Variants in KLF12 observed in about 807,000 individuals in gnomAD.
KLF12 encodes the protein Krueppel-like factor 12.
KLF12 carries 9 observed loss-of-function variants against 37.8 expected under a neutral mutation model. That is an observed-to-expected ratio of 0.24 (90% CI 0.14 to 0.42). The LOEUF is 0.42. Among genes scored for constraint, KLF12 ranks in the 10% least tolerant of loss-of-function variants. The probability of loss-of-function intolerance (pLI) is 1.00; values close to 1 mark genes in which losing one functional copy is unlikely to be tolerated. For synonymous variants in KLF12, 208 were observed against 202.1 expected (o/e 1.03, Z -0.25); for missense variants, 411 against 516.0 (o/e 0.80, Z 1.97).
chr13:74,145,612 CAT>C, the KLF12 span, among the ~76,000 whole-genome samples: 1 of 152,202 alleles, frequency 6.6e-6, no homozygotes, highest in Non-Finnish European at 1.5e-5. Context: ...CTCTTACAAT[CAT>C]GTGCTAATAA....
intron 4 of KLF12, among the ~76,000 whole-genome samples, chr13:73,832,856 T>TA (rs1481594554): frequency 6.6e-6 from 1 of 152,220 alleles, no homozygotes; most frequent in Non-Finnish European, 1.5e-5. Flanking sequence ...ATTATCAGCT[T>TA]TTAAATCAAA....
At chr13:74,299,288 T>C in the KLF12 span, among the ~76,000 whole-genome samples, 1 of 152,180 alleles carries the variant, frequency 6.6e-6, no homozygotes, top group Non-Finnish European at 1.5e-5. Context: ...CTGGACATTC[T>C]CTGAGAGACA....
At chr13:74,057,867 T>C (rs922296939) in intron 1 of KLF12, among the ~76,000 whole-genome samples, 2 of 151,706 alleles carry the variant, frequency 1.3e-5, no homozygotes, top group African/African-American at 2.4e-5. Flanking sequence ...TCAAAGCATG[T>C]ACAGTGAAGG....
chr13:74,046,774 T>C (rs1210414684), intron 1 of KLF12, among the ~76,000 whole-genome samples: 3 of 152,202 alleles, frequency 2.0e-5, no homozygotes, highest in Non-Finnish European at 4.4e-5. Context: ...AGACAAATGT[T>C]ATGATTTTTT....
the KLF12 span, among the ~76,000 whole-genome samples, chr13:74,165,708 A>T: frequency 2.0e-5 from 3 of 152,218 alleles, no homozygotes; most frequent in East Asian, 5.8e-4. Flanking sequence ...CTACTACTGT[A>T]TTCTTTTGGA....
intron 3 of KLF12, among the ~76,000 whole-genome samples, chr13:73,866,571 G>A (rs189669622): frequency 2.0e-5 from 3 of 151,540 alleles, no homozygotes; most frequent in African/African-American, 7.3e-5. Flanking sequence ...TTTACATTCT[G>A]AAATAAAAAA....
intron 7 of KLF12, among the ~76,000 whole-genome samples, chr13:73,704,807 C>A (rs186119983): frequency 7.9e-5 from 12 of 152,228 alleles, no homozygotes; most frequent in African/African-American, 2.9e-4. Flanking sequence ...TGACTTTGAG[C>A]CTTCTTACCA....
chr13:73,716,321 A>G (rs1476991680), intron 6 of KLF12, among the ~76,000 whole-genome samples: 1 of 152,224 alleles, frequency 6.6e-6, no homozygotes, highest in East Asian at 1.9e-4. Flanking sequence ...GACAGAAATA[A>G]TATGACTCAT....
At chr13:73,745,250 A>G (rs1240338007) in intron 6 of KLF12, among the ~76,000 whole-genome samples, 2 of 152,206 alleles carry the variant, frequency 1.3e-5, no homozygotes, top group African/African-American at 4.8e-5. Context: ...ACATACATTT[A>G]AAGCATATGT....
intron 1 of KLF12, among the ~76,000 whole-genome samples, chr13:74,110,387 AT>A (rs1196832489): frequency 1.3e-5 from 2 of 152,236 alleles, no homozygotes; most frequent in African/African-American, 4.8e-5. Context: ...TGCTACAAGA[AT>A]TACAGTTCTA....
At chr13:73,752,956 A>G (rs576137876) in intron 6 of KLF12, among the ~76,000 whole-genome samples, 1 of 151,818 alleles carries the variant, frequency 6.6e-6, no homozygotes, top group African/African-American at 2.4e-5. Context: ...GTTTCACTGT[A>G]TTGACCAGGC....
At chr13:74,241,951 G>A in the KLF12 span, among the ~76,000 whole-genome samples, 1 of 152,266 alleles carries the variant, frequency 6.6e-6, no homozygotes, top group African/African-American at 2.4e-5. Context: ...TTCCTATTTG[G>A]CCATCTTGGC....
chr13:74,203,008 G>A, the KLF12 span, among the ~76,000 whole-genome samples: 342 of 152,186 alleles, frequency 2.2e-3, no homozygotes, highest in Non-Finnish European at 3.9e-3. Flanking sequence ...TTATTTAAAC[G>A]TTGAAAATGA....
At chr13:73,824,559 G>C (rs936460910) in intron 4 of KLF12, among the ~76,000 whole-genome samples, 1 of 152,026 alleles carries the variant, frequency 6.6e-6, no homozygotes, top group African/African-American at 2.4e-5. Context: ...GAATATCTTC[G>C]AGCCAAAAGA....
the KLF12 span, among the ~76,000 whole-genome samples, chr13:74,192,657 G>T: frequency 3.6e-5 from 5 of 137,864 alleles, no homozygotes; most frequent in Admixed American, 1.4e-4. Context: ...ATGAGTAAAG[G>T]TTGCCAATTC....
intron 6 of KLF12, among the ~76,000 whole-genome samples, chr13:73,738,055 G>GTACATATATATATATA (rs1877595513): frequency 1.0e-5 from 1 of 97,120 alleles, no homozygotes; most frequent in Non-Finnish European, 2.0e-5. Context: ...ACATACGTGT[G>GTACATATATATATATA]TATATATATA....
chr13:73,841,838 T>A (rs1219554251), intron 4 of KLF12, among the ~76,000 whole-genome samples: 1 of 152,170 alleles, frequency 6.6e-6, no homozygotes, highest in African/African-American at 2.4e-5. Context: ...TGTCCTTAGG[T>A]ATCAAGTGGA....
At chr13:74,174,482 G>C in the KLF12 span, among the ~76,000 whole-genome samples, 4,887 of 151,748 alleles carry the variant, frequency 0.032, 255 homozygotes, top group African/African-American at 0.11. Context: ...CTCATGATCT[G>C]CCCACCTCGG....
chr13:74,190,924 C>G, the KLF12 span, among the ~76,000 whole-genome samples: 1 of 152,108 alleles, frequency 6.6e-6, no homozygotes, highest in Non-Finnish European at 1.5e-5. Context: ...GTTCAAAGAC[C>G]TTTTTTTCCA....
Sources: allele counts gnomAD v4.1 joint callset (sites outside exome capture counted in the v4.1 genomes callset), GRCh38; gene constraint gnomAD v4.1.1; transcripts MANE v1.5; gene names NCBI Gene and HGNC (gene_info 2026-07-23, HGNC 2026-07-21).